Variants in ASCC1 observed in about 807,000 individuals in gnomAD.
ASCC1 encodes the protein activating signal cointegrator 1 complex subunit 1.
A neutral mutation model predicts 46.6 loss-of-function variants in ASCC1; 35 were observed. The observed-to-expected ratio is 0.75, with a 90% CI of 0.57 to 0.99. ASCC1 has a LOEUF of 0.99. Ranked by LOEUF, ASCC1 falls within the 50% of genes least tolerant of loss-of-function variation. The probability of loss-of-function intolerance (pLI) is 0.00; values close to 1 mark genes in which losing one functional copy is unlikely to be tolerated. For synonymous variants in ASCC1, 143 were observed against 146.6 expected, an observed-to-expected ratio of 0.98 and a Z score of 0.18; for missense variants, 376 against 428.7, an observed-to-expected ratio of 0.88 and a Z score of 1.09.
chr10:72,143,339 C>T lies in ASCC1; in HGVS notation c.746+9530G>A, dbSNP rs182110621. 1.9e-3 allele frequency among the ~76,000 whole-genome samples: 295 copies of T among 151,956 alleles called. 2 individuals are homozygous for T. The highest frequency in any genetic ancestry group is 0.014 in the Middle Eastern group (4 of 294). On this transcript the variant is annotated intron_variant, in intron 7 of 9. Coordinates refer to ENST00000672957, the MANE Select transcript of ASCC1 (RefSeq NM_001198800.3). ...AAAGGATTTTATTATACTGATTTTA[C>T]AGTCAATCACCTTACTAAACTCCCT...
At chr10:72,157,664 G>A (rs1337426235) in intron 6 of ASCC1, among the ~76,000 whole-genome samples, 1 of 152,100 alleles carries the variant, frequency 6.6e-6, no homozygotes. Context: ...CTGTTATACT[G>A]GGGTTGGCTT....
chr10:72,112,135 C>T (rs1842984825), intron 9 of ASCC1, among the ~76,000 whole-genome samples: 2 of 152,214 alleles, frequency 1.3e-5, no homozygotes, highest in Non-Finnish European at 2.9e-5. Flanking sequence ...GAGGACAGTG[C>T]CCTGTCACCA....
At chr10:72,160,993 G>T (rs914369405) in intron 6 of ASCC1, among the ~76,000 whole-genome samples, 4 of 151,942 alleles carry the variant, frequency 2.6e-5, no homozygotes, top group Admixed American at 2.0e-4. Context: ...TGAGGCAGGA[G>T]AATGGCGAGA....
chr10:72,129,479 G>A (rs1452605817), intron 8 of ASCC1, among the ~76,000 whole-genome samples: 3 of 152,006 alleles, frequency 2.0e-5, no homozygotes. Flanking sequence ...AAACCAACCT[G>A]GGCAATATAG....
Position 72,097,322 on chromosome 10 carries a change from C to T in ASCC1, c.*12G>A, listed in dbSNP as rs1833675083. 1 of 1,563,376 alleles carries T rather than the reference C, an allele frequency of 6.4e-7. No individual in the cohort carries two copies. Among genetic ancestry groups the T allele is most frequent in the African/African-American group, 1.4e-5 (1 of 73,778 alleles). ...GAAGATGTTTAGTTTCTAGTGCTTT[C>T]CAAGATCCACCTCAGGAGAAGTCAA... On this transcript the variant is annotated 3_prime_UTR_variant, in exon 10 of 10. Coordinates refer to ENST00000672957, the MANE Select transcript of ASCC1 (RefSeq NM_001198800.3).
At chr10:72,110,060 T>C (rs1389808025) in intron 9 of ASCC1, among the ~76,000 whole-genome samples, 1 of 152,218 alleles carries the variant, frequency 6.6e-6, no homozygotes, top group African/African-American at 2.4e-5. Context: ...GCAGAGACTC[T>C]TCAAGCCTGT....
chr10:72,185,723 C>A (rs1853357570), intron 5 of ASCC1, among the ~76,000 whole-genome samples: 3 of 152,132 alleles, frequency 2.0e-5, no homozygotes, highest in Admixed American at 6.6e-5. Flanking sequence ...TATTCAATAT[C>A]TTGTTTGTGA....
At chr10:72,175,724 G>A (rs574426727) in intron 5 of ASCC1, among the ~76,000 whole-genome samples, 2 of 152,268 alleles carry the variant, frequency 1.3e-5, no homozygotes, top group Non-Finnish European at 2.9e-5. Flanking sequence ...ACTAAAGGAT[G>A]CACCACCCCA....
At chr10:72,160,956 G>GC (rs1191079989) in intron 6 of ASCC1, among the ~76,000 whole-genome samples, 1 of 151,690 alleles carries the variant, frequency 6.6e-6, no homozygotes, top group African/African-American at 2.4e-5. Flanking sequence ...GGTGGCGGGC[G>GC]CCTGTAGTCC....
intron 5 of ASCC1, among the ~76,000 whole-genome samples, chr10:72,178,205 C>T (rs187032365): frequency 2.4e-4 from 36 of 152,310 alleles, no homozygotes; most frequent in Admixed American, 2.3e-3. Flanking sequence ...ATGTGACCTT[C>T]ACAACAACGT....
chr10:72,196,120 G>A (rs1236527357), intron 5 of ASCC1, among the ~76,000 whole-genome samples: 2 of 151,906 alleles, frequency 1.3e-5, no homozygotes, highest in Non-Finnish European at 2.9e-5. Context: ...ATCTAAGTAT[G>A]GCAATTCTAC....
intron 5 of ASCC1, among the ~76,000 whole-genome samples, 165 bp from the exon 6 acceptor site, chr10:72,161,839 A>T (rs1030051525): frequency 1.3e-5 from 2 of 152,224 alleles, no homozygotes; most frequent in Admixed American, 6.5e-5. Flanking sequence ...ATGATGCTAG[A>T]ACAATAGAAT....
At chr10:72,097,537 AC>A in intron 9 of ASCC1, 87 bp from the exon 10 acceptor site, 2 of 793,382 alleles carry the variant, frequency 2.5e-6, no homozygotes, top group South Asian at 1.4e-5. Context: ...AAAACACCAA[AC>A]CACAACAATC....
intron 3 of ASCC1, among the ~76,000 whole-genome samples, chr10:72,208,307 G>A (rs1857510675): frequency 6.8e-6 from 1 of 146,576 alleles, no homozygotes; most frequent in Non-Finnish European, 1.5e-5. Flanking sequence ...ACCAAGACCT[G>A]TTACACTGAT....
chr10:72,131,829 T>G (rs936926490), intron 8 of ASCC1, among the ~76,000 whole-genome samples: 2 of 151,418 alleles, frequency 1.3e-5, no homozygotes, highest in African/African-American at 4.9e-5. Flanking sequence ...CTACAAATAG[T>G]CAATGATTCA....
chr10:72,209,116 G>T (rs1279070109), intron 3 of ASCC1, among the ~76,000 whole-genome samples: 1 of 151,252 alleles, frequency 6.6e-6, no homozygotes, highest in East Asian at 1.9e-4. Flanking sequence ...AGTGAGCCGA[G>T]ATCGCACCAC....
In ASCC1 at chr10:72,097,054, A is replaced by G. The variant is rs1262295986; in HGVS notation, c.*280T>C. ...CTGTGCACTTAAAAATGGTGAAGAC[A>G]GTATGTTTTATGAGTATTTTACGAC... On this transcript the variant is annotated 3_prime_UTR_variant, in exon 10 of 10. Transcript: ENST00000672957. The G allele has an allele frequency of 8.3e-6, 4 of 484,144 alleles. No homozygotes were observed. Among genetic ancestry groups the G allele is most frequent in the Non-Finnish European group, 1.2e-5 (3 of 246,630 alleles). 30.0% of individuals were successfully genotyped at this position (484,144 alleles called of 1,614,324 possible).
intron 9 of ASCC1, among the ~76,000 whole-genome samples, chr10:72,124,820 C>G (rs1844659786): frequency 6.7e-6 from 1 of 149,472 alleles, no homozygotes; most frequent in Non-Finnish European, 1.5e-5. Flanking sequence ...CTTCTTCACT[C>G]ATGCATCCTC....
At chr10:72,136,246 G>A (rs1347899922) in intron 7 of ASCC1, among the ~76,000 whole-genome samples, 1 of 152,158 alleles carries the variant, frequency 6.6e-6, no homozygotes, top group Middle Eastern at 3.2e-3. Context: ...CCTAGCTAGA[G>A]GATTGTAAAT....
Sources: allele counts gnomAD v4.1 joint callset (sites outside exome capture counted in the v4.1 genomes callset), GRCh38; gene constraint gnomAD v4.1.1; transcripts MANE v1.5; gene names NCBI Gene and HGNC (gene_info 2026-07-23, HGNC 2026-07-21).